PTPRD: variants seen among roughly 807,000 people sequenced by gnomAD.
PTPRD encodes protein tyrosine phosphatase receptor type D, also known as receptor-type tyrosine-protein phosphatase delta.
Under a neutral mutation model 214.5 loss-of-function variants are expected in PTPRD, and 34 were observed. The ratio of observed to expected loss-of-function variants is 0.16; its 90% CI spans 0.12 to 0.21. The LOEUF is 0.21. Ranked by LOEUF, PTPRD falls within the 10% of genes least tolerant of loss-of-function variation. PTPRD has a pLI of 1.00. For synonymous variants in PTPRD, 1,128 were observed against 845.7 expected, an observed-to-expected ratio of 1.33 and a Z score of -5.79; for missense variants, 2,545 against 2,398.7, an observed-to-expected ratio of 1.06 and a Z score of -1.27.
At chr9:9,850,571 A>T (rs2060365613) in intron 5 of PTPRD, among the ~76,000 whole-genome samples, 1 of 152,022 alleles carries the variant, frequency 6.6e-6, no homozygotes, top group Admixed American at 6.6e-5. Context: ...TAGACAAATT[A>T]AAATTGTATA....
At chr9:9,567,718 C>T (rs1392700194) in intron 8 of PTPRD, among the ~76,000 whole-genome samples, 1 of 151,912 alleles carries the variant, frequency 6.6e-6, no homozygotes, top group East Asian at 1.9e-4. Context: ...TTTTTTATCC[C>T]CCTCCATGCT....
chr9:10,293,460 G>GAAAC (rs200434159), intron 3 of PTPRD, among the ~76,000 whole-genome samples: 2 of 151,768 alleles, frequency 1.3e-5, no homozygotes, highest in East Asian at 1.9e-4. Flanking sequence ...AGATTCTTCA[G>GAAAC]AAACAAACAA....
chr9:8,986,217 A>G (rs771036823), intron 11 of PTPRD, among the ~76,000 whole-genome samples: 7 of 152,062 alleles, frequency 4.6e-5, no homozygotes, highest in African/African-American at 1.7e-4. Context: ...TCAACTGTCT[A>G]TGAACTCTCC....
At chr9:10,078,849 C>T (rs2098182281) in intron 3 of PTPRD, among the ~76,000 whole-genome samples, 1 of 152,024 alleles carries the variant, frequency 6.6e-6, no homozygotes, top group African/African-American at 2.4e-5. Context: ...GTGTTTTCCC[C>T]CTACACATTT....
At chr9:9,336,584 G>T (rs929452440) in intron 9 of PTPRD, among the ~76,000 whole-genome samples, 2 of 152,002 alleles carry the variant, frequency 1.3e-5, no homozygotes, top group Non-Finnish European at 2.9e-5. Context: ...CTCTATATGG[G>T]TTGGCAGGTA....
At chr9:9,853,576 G>C (rs965378357) in intron 5 of PTPRD, among the ~76,000 whole-genome samples, 1 of 151,868 alleles carries the variant, frequency 6.6e-6, no homozygotes, top group African/African-American at 2.4e-5. Flanking sequence ...TTTAGATGGA[G>C]TGTCACTCTG....
chr9:8,576,654 A>G (rs1037451173), intron 14 of PTPRD, among the ~76,000 whole-genome samples: 2 of 145,370 alleles, frequency 1.4e-5, no homozygotes, highest in African/African-American at 2.6e-5. Context: ...AAAAAAATCC[A>G]TATTTGCATA....
intron 9 of PTPRD, among the ~76,000 whole-genome samples, chr9:9,308,373 C>A (rs897476588): frequency 6.6e-6 from 1 of 152,142 alleles, no homozygotes; most frequent in African/African-American, 2.4e-5. Flanking sequence ...AAGAATATTG[C>A]TACAACATGT....
At chr9:8,496,171 AACACACACACACAC>A (rs566859758) in intron 26 of PTPRD, among the ~76,000 whole-genome samples, 30 of 135,024 alleles carry the variant, frequency 2.2e-4, no homozygotes, top group Non-Finnish European at 2.4e-4. Context: ...CCAACTCTCC[AACACACACACACAC>A]ACACACACAC....
intron 11 of PTPRD, among the ~76,000 whole-genome samples, chr9:8,738,157 T>C (rs1374935832): frequency 1.3e-5 from 2 of 152,168 alleles, no homozygotes; most frequent in Non-Finnish European, 2.9e-5. Flanking sequence ...AAACTAACAG[T>C]TCAGAGGGCA....
At chr9:9,160,780 G>C (rs909867575) in intron 10 of PTPRD, among the ~76,000 whole-genome samples, 1 of 152,114 alleles carries the variant, frequency 6.6e-6, no homozygotes, top group Non-Finnish European at 1.5e-5. Context: ...GAATCAATCT[G>C]TGTCCATCAA....
At chr9:9,938,975 G>A (rs754000085) in intron 4 of PTPRD, among the ~76,000 whole-genome samples, 1 of 151,362 alleles carries the variant, frequency 6.6e-6, no homozygotes, top group Non-Finnish European at 1.5e-5. Flanking sequence ...AAACTCCAGA[G>A]AGAAGCTGAT....
intron 7 of PTPRD, among the ~76,000 whole-genome samples, chr9:9,654,950 C>T (rs2096468777): frequency 6.6e-6 from 1 of 151,790 alleles, no homozygotes; most frequent in African/African-American, 2.4e-5. Context: ...GTATGCTATA[C>T]TGAAGAATAA....
intron 11 of PTPRD, among the ~76,000 whole-genome samples, chr9:8,892,238 G>GAAA (rs1206826320): frequency 1.9e-4 from 29 of 151,998 alleles, no homozygotes; most frequent in Non-Finnish European, 3.5e-4. Flanking sequence ...GAACTCCTTG[G>GAAA]ATTCTGGCAT....
At chr9:9,784,600 G>C (rs1461481045) in intron 5 of PTPRD, among the ~76,000 whole-genome samples, 3 of 151,846 alleles carry the variant, frequency 2.0e-5, no homozygotes, top group Non-Finnish European at 4.4e-5. Context: ...CTTATTTCAA[G>C]ATTTTTTAAA....
intron 4 of PTPRD, among the ~76,000 whole-genome samples, chr9:9,955,521 G>GTTTTTTTTTTTT (rs1194987444): frequency 6.9e-6 from 1 of 145,548 alleles, no homozygotes; most frequent in African/African-American, 2.6e-5. Flanking sequence ...GTTTTGTTTT[G>GTTTTTTTTTTTT]TTTTGTTTTT....
chr9:8,744,589 C>T (rs536862567), intron 11 of PTPRD, among the ~76,000 whole-genome samples: 49 of 152,260 alleles, frequency 3.2e-4, no homozygotes, highest in African/African-American at 1.1e-3. Context: ...TAAGGAGGAG[C>T]TAAGCTATGA....
rs577765599 is a variant in PTPRD at position 9,317,941 on chromosome 9, A to C, written c.-203+79508T>G. ...AATCCCAGCACTTTGGAAGGCCAAG[A>C]CAGGCGGATCACTTGAGGTCTGGAG... is the stretch of plus-strand genomic sequence containing the variant. On this transcript the variant is annotated intron_variant, in intron 9 of 45. Transcript: ENST00000381196. Among the ~76,000 whole-genome samples, 3 of 152,138 alleles carry C rather than the reference A, an allele frequency of 2.0e-5. No homozygotes were observed. In the South Asian group the frequency reaches 6.2e-4, roughly 32 times the overall value.
intron 3 of PTPRD, among the ~76,000 whole-genome samples, chr9:10,198,278 A>G (rs920243993): frequency 5.9e-5 from 9 of 152,152 alleles, no homozygotes; most frequent in Non-Finnish European, 1.2e-4. Context: ...GGGAAAGAAT[A>G]GGTACAGTAT....
Sources: allele counts gnomAD v4.1 joint callset (sites outside exome capture counted in the v4.1 genomes callset), GRCh38; gene constraint gnomAD v4.1.1; transcripts MANE v1.5; gene names NCBI Gene and HGNC (gene_info 2026-07-23, HGNC 2026-07-21).